The following THSD7A variants were observed in gnomAD, a reference collection of about 807,000 sequenced individuals.
THSD7A encodes the protein thrombospondin type-1 domain-containing protein 7A.
Under a neutral mutation model 231.3 loss-of-function variants are expected in THSD7A, and 96 were observed. The ratio of observed to expected loss-of-function variants is 0.41; its 90% CI spans 0.35 to 0.49. The LOEUF is 0.49. Among genes scored for constraint, THSD7A ranks in the 20% least tolerant of loss-of-function variants. The pLI is 0.05. For synonymous variants in THSD7A, 940 were observed against 743.3 expected (o/e 1.26, Z -4.30); for missense variants, 2,290 against 2,070.2 (o/e 1.11, Z -2.06).
intron 11 of THSD7A, among the ~76,000 whole-genome samples, chr7:11,458,775 T>G (rs1427562001): frequency 2.0e-5 from 3 of 152,176 alleles, no homozygotes; most frequent in Non-Finnish European, 4.4e-5. Context: ...TTTTCCGATT[T>G]GGAAATGCAA....
At position 11,389,421 on chromosome 7, in the gene THSD7A, C is replaced by CTTTTTT. The variant is rs57755425; in HGVS notation, c.4412-6811_4412-6806dup. ...TCAGAGACTAGAATTGCAACTCCTG[C>CTTTTTT]TTTTTTTTTTTTTTTTTTTTTTTTT... is the stretch of plus-strand genomic sequence containing the variant. On this transcript the variant is annotated intron_variant, in intron 23 of 27. Transcript: ENST00000423059. Among the ~76,000 whole-genome samples the CTTTTTT allele has an allele frequency of 9.8e-4, 37 of 37,610 alleles. 1 individual carries two copies. The highest frequency in any genetic ancestry group is 1.2e-3 in the Non-Finnish European group (25 of 20,706). The allele number at this position is 37,610 out of a possible 152,430, so 24.7% of individuals were successfully genotyped here.
chr7:11,786,947 T>TGAC (rs201035620), intron 1 of THSD7A, among the ~76,000 whole-genome samples: 1,947 of 152,156 alleles, frequency 0.013, 35 homozygotes, highest in African/African-American at 0.045. Context: ...CCCTTAGGCA[T>TGAC]TTTAGTGACA....
chr7:11,473,928 T>C (rs1375230823), intron 8 of THSD7A, among the ~76,000 whole-genome samples: 16 of 152,172 alleles, frequency 1.1e-4, no homozygotes. Context: ...ACAAGGCTTC[T>C]ACCCAATTAA....
intron 1 of THSD7A, among the ~76,000 whole-genome samples, chr7:11,774,487 T>TACACACACACACACACACACACACAC (rs71830837): frequency 6.7e-6 from 1 of 148,940 alleles, no homozygotes. Flanking sequence ...TAAGCATTCT[T>TACACACACACACACACACACACACAC]ACACACACAC....
intron 1 of THSD7A, among the ~76,000 whole-genome samples, chr7:11,700,300 A>G (rs1584232239): frequency 6.6e-6 from 1 of 151,248 alleles, no homozygotes; most frequent in African/African-American, 2.4e-5. Flanking sequence ...CTACAATAAT[A>G]GTACAATAAC....
chr7:11,458,403 T>C (rs977135862), intron 11 of THSD7A, among the ~76,000 whole-genome samples: 1 of 152,092 alleles, frequency 6.6e-6, no homozygotes, highest in African/African-American at 2.4e-5. Context: ...GAAAAAGCAG[T>C]CTTTCATCTA....
In THSD7A at chr7:11,374,886, A is replaced by C. The variant is rs1782202494; in HGVS notation, c.*908T>G. On this transcript the variant is annotated 3_prime_UTR_variant, in exon 28 of 28. Transcript: ENST00000423059. ...TCTCTTCAGGATACAAGAACTTGCA[A>C]ATGTCTTCATGCCACTCTTGGCACA... 1 of 152,016 alleles carries C rather than the reference A, an allele frequency of 6.6e-6. No individual in the cohort carries two copies. The highest frequency in any genetic ancestry group is 1.5e-5 in the Non-Finnish European group (1 of 67,986). The allele number at this position is 152,016 out of a possible 1,614,324, so 9.4% of individuals were successfully genotyped here.
chr7:11,492,261 A>C (rs1182289638), intron 6 of THSD7A, among the ~76,000 whole-genome samples: 1 of 151,982 alleles, frequency 6.6e-6, no homozygotes, highest in African/African-American at 2.4e-5. Flanking sequence ...ACCAACTTCA[A>C]TTTGTAAATT....
At chr7:11,717,184 G>A (rs934988364) in intron 1 of THSD7A, among the ~76,000 whole-genome samples, 4 of 151,660 alleles carry the variant, frequency 2.6e-5, no homozygotes, top group African/African-American at 9.7e-5. Flanking sequence ...CTGATTGCAG[G>A]AACGCTATGA....
Position 11,379,227 on chromosome 7 carries a change from G to T in THSD7A, c.4644C>A (p.Ser1548Arg). 6.2e-7 allele frequency: 1 copy of T among 1,613,656 alleles called. No individual in the cohort carries two copies. The highest frequency in any genetic ancestry group is 1.1e-5 in the South Asian group (1 of 91,088). The change falls in exon 26 of 28, where the codon AGC becomes AGA. Residue 1548 changes from serine (S) to arginine (R), a missense_variant. Transcript: ENST00000423059. ...EGYTEVMSSN[S>R]TLEQCTLIPV... ...GGATAAGTGTGCATTGCTCAAGGGT[G>T]CTGTTAGAAGACATGACTTCAGTGT...
chr7:11,427,210 C>T (rs183265237), intron 14 of THSD7A, among the ~76,000 whole-genome samples: 46 of 152,308 alleles, frequency 3.0e-4, no homozygotes, highest in African/African-American at 1.1e-3. Context: ...GTAGTAAACA[C>T]CTATGTGATT....
At chr7:11,401,511 G>A (rs911686582) in intron 23 of THSD7A, among the ~76,000 whole-genome samples, 18 of 152,020 alleles carry the variant, frequency 1.2e-4, no homozygotes, top group African/African-American at 2.4e-4. Context: ...CTGGCCTCCC[G>A]GGATCAAGTG....
chr7:11,793,586 A>T (rs1269285927), intron 1 of THSD7A, among the ~76,000 whole-genome samples: 2 of 151,868 alleles, frequency 1.3e-5, no homozygotes, highest in Non-Finnish European at 2.9e-5. Flanking sequence ...TAAAATGAAA[A>T]AAATGAAGAA....
At chr7:11,552,017 A>G (rs1789648951) in intron 4 of THSD7A, among the ~76,000 whole-genome samples, 1 of 152,134 alleles carries the variant, frequency 6.6e-6, no homozygotes, top group Non-Finnish European at 1.5e-5. Context: ...CCTTTGCAGC[A>G]ACATGGATGG....
At chr7:11,806,403 G>A (rs1339291919) in intron 1 of THSD7A, among the ~76,000 whole-genome samples, 4 of 152,134 alleles carry the variant, frequency 2.6e-5, no homozygotes, top group African/African-American at 9.7e-5. Flanking sequence ...ATAGAGTTCA[G>A]CTTCCCAAAA....
At chr7:11,627,531 T>C (rs1781513113) in intron 2 of THSD7A, among the ~76,000 whole-genome samples, 1 of 152,018 alleles carries the variant, frequency 6.6e-6, no homozygotes, top group Non-Finnish European at 1.5e-5. Flanking sequence ...ATAATATAAA[T>C]GCAAAGTACT....
intron 23 of THSD7A, among the ~76,000 whole-genome samples, chr7:11,393,970 A>C (rs1783082719): frequency 6.6e-6 from 1 of 152,058 alleles, no homozygotes; most frequent in African/African-American, 2.4e-5. Context: ...GAACTTCCCC[A>C]ACCTAGCAAG....
chr7:11,519,047 G>C (rs1788153347), intron 6 of THSD7A, among the ~76,000 whole-genome samples: 1 of 152,062 alleles, frequency 6.6e-6, no homozygotes, highest in Non-Finnish European at 1.5e-5. Context: ...CGGCATATCT[G>C]AATTTGAATC....
chr7:11,830,024 T>C (rs1425619374), intron 1 of THSD7A, among the ~76,000 whole-genome samples: 2 of 152,188 alleles, frequency 1.3e-5, no homozygotes, highest in African/African-American at 4.8e-5. Context: ...CACATTTACA[T>C]GCAGTTGAGA....
Sources: gnomAD v4.1 joint callset for allele counts (sites outside exome capture counted in the v4.1 genomes callset) on GRCh38, gnomAD v4.1.1 for gene constraint, MANE v1.5 for transcripts, NCBI Gene and HGNC (gene_info 2026-07-23, HGNC 2026-07-21) for gene names.